Variants in NFIC observed in about 807,000 individuals in gnomAD.
NFIC encodes nuclear factor 1 C-type.
NFIC carries 12 observed loss-of-function variants against 54.4 expected under a neutral mutation model. That is an observed-to-expected ratio of 0.22 (90% confidence interval 0.14 to 0.36). NFIC has a LOEUF of 0.36. NFIC is among the 10% of genes least tolerant of loss of function. NFIC has a pLI of 1.00. For synonymous variants in NFIC, 322 were observed against 319.2 expected, an observed-to-expected ratio of 1.01 and a Z score of -0.09; for missense variants, 575 against 718.2, an observed-to-expected ratio of 0.80 and a Z score of 2.28.
upstream of NFIC, among the ~76,000 whole-genome samples, chr19:3,365,895 A>T (rs2080873099): frequency 6.6e-6 from 1 of 152,150 alleles, no homozygotes; most frequent in Non-Finnish European, 1.5e-5. Context: ...CTAGCTGGGG[A>T]CCCGCAGCCC....
chr19:3,384,492 G>T lies in NFIC; in HGVS notation c.562+2249G>T, dbSNP rs190983412. On this transcript the variant is annotated intron_variant, in intron 2 of 10. Transcript: ENST00000443272. ...CAATCTCCACCTCCCAGGTTCAAGC[G>T]ATTCTCCTGCCTTTGCCTCCCCAGT... Among the ~76,000 whole-genome samples, 411 of 152,022 alleles carry T rather than the reference G, an allele frequency of 2.7e-3. 2 individuals are homozygous for T. Among genetic ancestry groups the T allele is most frequent in the African/African-American group, 9.3e-3 (387 of 41,444 alleles).
At position 3,462,830 on chromosome 19, in the gene NFIC, C is replaced by G; in HGVS notation, c.*61C>G. The G allele has an allele frequency of 6.2e-7, 1 of 1,611,126 alleles. No homozygotes were observed. Among genetic ancestry groups the G allele is most frequent in the African/African-American group, 1.3e-5 (1 of 74,916 alleles). Reference sequence around the variant, plus strand: ...CCAGGAATCCCAGGGGGCAGCACAGCCGGCCCCCGGCCCACGTTTTCGGTG... The same window carrying G: ...CCAGGAATCCCAGGGGGCAGCACAGGCGGCCCCCGGCCCACGTTTTCGGTG... On this transcript the variant is annotated 3_prime_UTR_variant, in exon 11 of 11. Coordinates refer to ENST00000443272, the MANE Select transcript of NFIC (RefSeq NM_001245002.2).
intron 2 of NFIC, among the ~76,000 whole-genome samples, chr19:3,387,416 C>T (rs1004264013): frequency 6.6e-6 from 1 of 152,174 alleles, no homozygotes; most frequent in East Asian, 1.9e-4. Flanking sequence ...GCAGGAGAAT[C>T]GCTGGAACCC....
At chr19:3,410,255 GAAC>G (rs2081733357) in intron 2 of NFIC, among the ~76,000 whole-genome samples, 1 of 152,112 alleles carries the variant, frequency 6.6e-6, no homozygotes, top group African/African-American at 2.4e-5. Context: ...TTAGCTAGGA[GAAC>G]AACAATTTGC....
At chr19:3,451,209 C>T (rs929428421) in intron 7 of NFIC, among the ~76,000 whole-genome samples, 5 of 152,198 alleles carry the variant, frequency 3.3e-5, no homozygotes, top group African/African-American at 1.2e-4. Flanking sequence ...AAAGGCCACA[C>T]AGCATGTGAT....
At chr19:3,408,142 G>A (rs2081685525) in intron 2 of NFIC, among the ~76,000 whole-genome samples, 1 of 152,154 alleles carries the variant, frequency 6.6e-6, no homozygotes, top group African/African-American at 2.4e-5. Flanking sequence ...AACCAGGCGA[G>A]CTCACGGTGG....
At chr19:3,383,830 G>T (rs1015325506) in intron 2 of NFIC, among the ~76,000 whole-genome samples, 1 of 152,170 alleles carries the variant, frequency 6.6e-6, no homozygotes, top group Non-Finnish European at 1.5e-5. Context: ...GCATTTGCCC[G>T]AACAGGAGGA....
intron 6 of NFIC, 149 bp downstream of exon 6, chr19:3,435,356 C>CT (rs2082184264): frequency 1.7e-6 from 2 of 1,189,472 alleles, no homozygotes; most frequent in Non-Finnish European, 2.3e-6. Context: ...TCGTCCCGAG[C>CT]TGCGCTTGGC....
chr19:3,370,845 C>T lies in NFIC; in HGVS notation c.30+4179C>T, dbSNP rs1305043238. ...CCTGCCCCGGACACGGCCCGCCCCC[C>T]ACTCTCCTGCCTGTGTCCACGCCGA... On this transcript the variant is annotated intron_variant, in intron 1 of 10. Coordinates refer to ENST00000443272, the MANE Select transcript of NFIC (RefSeq NM_001245002.2). This position sits in a 1 kb window ranked among gnomAD's most constrained non-coding sequence, Gnocchi z 5.2. Among the ~76,000 whole-genome samples, 1 of 152,220 alleles carries T rather than the reference C, an allele frequency of 6.6e-6. No homozygotes were observed. Among genetic ancestry groups the T allele is most frequent in the African/African-American group, 2.4e-5 (1 of 41,460 alleles).
At chr19:3,362,218 GGTGT>G (rs1175969921), upstream of NFIC, among the ~76,000 whole-genome samples, 1 of 152,058 alleles carries the variant, frequency 6.6e-6, no homozygotes, top group Non-Finnish European at 1.5e-5. Context: ...TCCACTTGTG[GGTGT>G]GTGTGTGCTT....
chr19:3,428,718 G>T (rs2082066734), intron 3 of NFIC, among the ~76,000 whole-genome samples: 4 of 152,152 alleles, frequency 2.6e-5, no homozygotes. Flanking sequence ...CCCCTGGGGA[G>T]CTTGGGCGTC....
At position 3,370,338 on chromosome 19, in the gene NFIC, C is replaced by A. The variant is rs1040294477; in HGVS notation, c.30+3672C>A. Among the ~76,000 whole-genome samples, 1 of 152,112 alleles carries A rather than the reference C, an allele frequency of 6.6e-6. No individual in the cohort carries two copies. Among genetic ancestry groups the A allele is most frequent in the African/African-American group, 2.4e-5 (1 of 41,420 alleles). ...CTCTCTACAAGGCTCCACCACTCTC[C>A]CGCTGTATCTCCCTCTGGGTCTCTC... is the stretch of plus-strand genomic sequence containing the variant. On this transcript the variant is annotated intron_variant, in intron 1 of 10. Coordinates refer to ENST00000443272, the MANE Select transcript of NFIC (RefSeq NM_001245002.2). This position sits in a 1 kb window ranked among gnomAD's most constrained non-coding sequence, Gnocchi z 5.2.
intron 2 of NFIC, among the ~76,000 whole-genome samples, chr19:3,423,976 C>T (rs561036670): frequency 3.3e-5 from 5 of 152,212 alleles, no homozygotes; most frequent in South Asian, 2.1e-4. Flanking sequence ...AGGGCTAAGG[C>T]GGGGCTGAAT....
chr19:3,465,704 T>G lies in NFIC; in HGVS notation c.*2935T>G, dbSNP rs2082709674. The stretch of plus-strand genomic sequence containing the variant: ...AGGGCTCTCCTCTCTGATTGGTCCC[T>G]AGGCCACGGGCCGGCCCCCAGACAC... On this transcript the variant is annotated 3_prime_UTR_variant, in exon 11 of 11. Transcript: ENST00000443272. 6.6e-6 allele frequency: 1 copy of G among 152,252 alleles called. No homozygotes were observed. Among genetic ancestry groups the G allele is most frequent in the Non-Finnish European group, 1.5e-5 (1 of 68,080 alleles). 9.4% of individuals were successfully genotyped at this position (152,252 alleles called of 1,614,324 possible). A position where few individuals can be genotyped will look rare whatever the true frequency, so the allele number is the denominator to read the frequency against.
At chr19:3,448,536 A>G (rs553914740) in intron 6 of NFIC, among the ~76,000 whole-genome samples, 2 of 152,286 alleles carry the variant, frequency 1.3e-5, no homozygotes, top group South Asian at 4.1e-4. Flanking sequence ...ACCTCATTTC[A>G]GCCCCAGGGA....
At chr19:3,444,626 C>G (rs1489174238) in intron 6 of NFIC, among the ~76,000 whole-genome samples, 4 of 152,202 alleles carry the variant, frequency 2.6e-5, no homozygotes, top group Non-Finnish European at 5.9e-5. Context: ...GCCGCTGGCC[C>G]CATCTCAGGA....
intron 1 of NFIC, among the ~76,000 whole-genome samples, chr19:3,372,833 C>T (rs1162594782): frequency 6.6e-6 from 1 of 151,514 alleles, no homozygotes; most frequent in African/African-American, 2.4e-5. Context: ...ATGATAGTCC[C>T]CACTTTCATA....
At position 3,459,318 on chromosome 19, in the gene NFIC, C is replaced by T. The variant is rs1158745646; in HGVS notation, c.1509+2683C>T. Among the ~76,000 whole-genome samples the T allele has an allele frequency of 4.0e-5, 6 of 151,854 alleles. No individual in the cohort carries two copies. Among genetic ancestry groups the T allele is most frequent in the Non-Finnish European group, 8.8e-5 (6 of 67,964 alleles). On this transcript the variant is annotated intron_variant, in intron 10 of 10. Transcript: ENST00000443272. The surrounding 1 kb of genome is among the most constrained non-coding windows in gnomAD (Gnocchi z 4.2). ...TCGCCCTGGTCAGTTACCCACCCAT[C>T]GCCCCATGTCCGTCCCTATCAATCC...
intron 9 of NFIC, among the ~76,000 whole-genome samples, chr19:3,454,852 C>T (rs770574105): frequency 6.6e-6 from 1 of 152,084 alleles, no homozygotes; most frequent in Admixed American, 6.6e-5. Context: ...TTCCTGTCCC[C>T]GTCCCCACTG....
Sources: allele counts gnomAD v4.1 joint callset (sites outside exome capture counted in the v4.1 genomes callset), GRCh38; gene constraint gnomAD v4.1.1; non-coding constraint Gnocchi (gnomAD v3.1); transcripts MANE v1.5; gene names NCBI Gene and HGNC (gene_info 2026-07-23, HGNC 2026-07-21).